The following ANKRD13C variants were observed in gnomAD, a reference collection of about 807,000 sequenced individuals.
ANKRD13C encodes ankyrin repeat domain 13C, also known as ankyrin repeat domain-containing protein 13C.
Under a neutral mutation model 65.5 loss-of-function variants are expected in ANKRD13C, and 16 were observed. That is an observed-to-expected ratio of 0.24 (90% CI 0.17 to 0.37). ANKRD13C has a LOEUF of 0.37. Among genes scored for constraint, ANKRD13C ranks in the 10% least tolerant of loss-of-function variants. ANKRD13C has a pLI of 1.00. For synonymous variants in ANKRD13C, 235 were observed against 238.7 expected (o/e 0.98, Z 0.14); for missense variants, 503 against 655.9 (o/e 0.77, Z 2.55).
chr1:70,281,271 T>G (rs994359930), intron 9 of ANKRD13C, among the ~76,000 whole-genome samples: 1 of 152,128 alleles, frequency 6.6e-6, no homozygotes. Flanking sequence ...CTCCCCAGTA[T>G]CTGTTCTCCC....
intron 9 of ANKRD13C, among the ~76,000 whole-genome samples, chr1:70,281,021 G>T (rs769895991): frequency 7.2e-5 from 11 of 152,130 alleles, no homozygotes; most frequent in Non-Finnish European, 1.6e-4. Flanking sequence ...TTGCCAGCTG[G>T]GGTAAATAAG....
chr1:70,294,635 C>CTT (rs1221826514), intron 8 of ANKRD13C, among the ~76,000 whole-genome samples: 1 of 144,970 alleles, frequency 6.9e-6, no homozygotes. Flanking sequence ...TTTTCTCTCT[C>CTT]TTTTTTTTTT....
intron 5 of ANKRD13C, among the ~76,000 whole-genome samples, chr1:70,310,386 G>C (rs556631740): frequency 1.3e-5 from 2 of 152,146 alleles, no homozygotes; most frequent in Non-Finnish European, 2.9e-5. Context: ...AATGGGTTTC[G>C]TTTTAGAATT....
chr1:70,283,891 T>C (rs1226073041), intron 9 of ANKRD13C, among the ~76,000 whole-genome samples: 1 of 152,152 alleles, frequency 6.6e-6, no homozygotes, highest in African/African-American at 2.4e-5. Context: ...ACAGTATAAG[T>C]GCTTTTATCA....
At position 70,324,888 on chromosome 1, in the gene ANKRD13C, A is replaced by G; in HGVS notation, c.542T>C (p.Leu181Pro). 1 of 1,611,652 alleles carries G rather than the reference A, an allele frequency of 6.2e-7. No homozygotes were observed. Among genetic ancestry groups the G allele is most frequent in the Non-Finnish European group, 8.5e-7 (1 of 1,178,578 alleles). The change falls in exon 3 of 13, where the codon CTG becomes CCG. Residue 181 changes from leucine (L) to proline (P), a missense_variant. This residue lies in a region of ANKRD13C where 300 missense variants were observed against 478.3 expected (regional missense o/e 0.63). Transcript: ENST00000370944. ...ATCTCCATAGCTGATGGCTTCCGCC[A>G]GAGGGCTCCATCCCTGAGCATTTTT... Reference protein sequence around the residue: ...KVKNAQGWSPLAEAISYGDRQ... With the variant: ...KVKNAQGWSPPAEAISYGDRQ...
At chr1:70,296,936 C>T (rs1320663837) in intron 7 of ANKRD13C, among the ~76,000 whole-genome samples, 1 of 152,040 alleles carries the variant, frequency 6.6e-6, no homozygotes, top group African/African-American at 2.4e-5. Context: ...TTCCCTAGTG[C>T]TGGTATATAA....
intron 11 of ANKRD13C, among the ~76,000 whole-genome samples, chr1:70,273,207 T>C (rs1678971502): frequency 6.6e-6 from 1 of 152,004 alleles, no homozygotes; most frequent in Admixed American, 6.6e-5. Context: ...AAAGCTCAGG[T>C]ATGTATGTAC....
At chr1:70,337,493 T>C (rs770274861) in intron 1 of ANKRD13C, among the ~76,000 whole-genome samples, 1 of 151,976 alleles carries the variant, frequency 6.6e-6, no homozygotes, top group Non-Finnish European at 1.5e-5. Flanking sequence ...GGCAGGAGAA[T>C]TGCTTGAACC....
intron 12 of ANKRD13C, among the ~76,000 whole-genome samples, chr1:70,265,824 C>CAAAAAAAAAAAAAA (rs775757290): frequency 1.4e-4 from 5 of 35,416 alleles, no homozygotes; most frequent in East Asian, 5.6e-4. Flanking sequence ...GACCTTGCCT[C>CAAAAAAAAAAAAAA]AAAAAAAAAA....
intron 9 of ANKRD13C, among the ~76,000 whole-genome samples, chr1:70,277,766 A>G (rs1263578312): frequency 1.3e-5 from 2 of 152,196 alleles, no homozygotes; most frequent in Admixed American, 1.3e-4. Context: ...ACGGAGATCA[A>G]CAGTAGATGG....
Position 70,260,420 on chromosome 1 carries a change from T to A in ANKRD13C, c.*2297A>T, listed in dbSNP as rs1678350122. Among the ~76,000 whole-genome samples the A allele has an allele frequency of 6.6e-6, 1 of 152,168 alleles. No individual in the cohort carries two copies. On this transcript the variant is annotated 3_prime_UTR_variant, in exon 13 of 13. Transcript: ENST00000370944. ...TGTCCCCCTACCAATTTAAACAGTT[T>A]CAAAATCACAAATGGAGAAGAACAT...
intron 12 of ANKRD13C, among the ~76,000 whole-genome samples, chr1:70,269,548 C>T (rs913705408): frequency 3.3e-5 from 5 of 152,014 alleles, no homozygotes; most frequent in South Asian, 2.1e-4. Flanking sequence ...TGCAGAAATG[C>T]GAACACAAAG....
intron 1 of ANKRD13C, among the ~76,000 whole-genome samples, chr1:70,337,566 A>C (rs1682098401): frequency 6.6e-6 from 1 of 152,094 alleles, no homozygotes; most frequent in Admixed American, 6.5e-5. Flanking sequence ...GGGCGACAAG[A>C]GTGAAACTCT....
chr1:70,276,060 A>G (rs766336648), intron 10 of ANKRD13C, among the ~76,000 whole-genome samples: 10 of 151,860 alleles, frequency 6.6e-5, no homozygotes, highest in East Asian at 3.9e-4. Context: ...AAAAAAAATG[A>G]CAACTTCTTC....
At position 70,354,247 on chromosome 1, in the gene ANKRD13C, G is replaced by T; in HGVS notation, c.162C>A (p.Phe54Leu). The T allele has an allele frequency of 1.2e-6, 2 of 1,613,562 alleles. No homozygotes were observed. The highest frequency in any genetic ancestry group is 1.1e-5 in the South Asian group (1 of 91,082). Residue 54 changes from phenylalanine to leucine, a missense_variant, in exon 1 of 13, where the codon TTC becomes TTA. Coordinates refer to ENST00000370944, the MANE Select transcript of ANKRD13C (RefSeq NM_030816.5). Reference protein sequence around the residue: ...GKGGKACHKIFSNHHHRLQLK... With the variant: ...GKGGKACHKILSNHHHRLQLK... ...GCTGTAGCCGGTGGTGATGGTTACT[G>T]AAGATCTTATGACAAGCTTTGCCGC...
chr1:70,293,602 T>C (rs1679953248), intron 8 of ANKRD13C: 3 of 980,232 alleles, frequency 3.1e-6, no homozygotes, highest in Non-Finnish European at 3.6e-6. Flanking sequence ...TATCTTCTCT[T>C]GAAGTGATCC....
chr1:70,306,401 TC>T (rs1680588141), intron 5 of ANKRD13C, 111 bp from the exon 6 acceptor site: 2 of 596,538 alleles, frequency 3.4e-6, no homozygotes, highest in Non-Finnish European at 5.3e-6. Context: ...TATAATAATT[TC>T]CTTTCAAATA....
intron 11 of ANKRD13C, among the ~76,000 whole-genome samples, chr1:70,271,355 G>A (rs1014890954): frequency 2.0e-5 from 3 of 152,060 alleles, no homozygotes; most frequent in Non-Finnish European, 2.9e-5. Flanking sequence ...AAAATTTCAG[G>A]TTATACTGTC....
At chr1:70,267,595 G>C (rs1331402389) in intron 12 of ANKRD13C, among the ~76,000 whole-genome samples, 1 of 152,206 alleles carries the variant, frequency 6.6e-6, no homozygotes, top group Middle Eastern at 3.4e-3. Flanking sequence ...GGTATATTTA[G>C]ACCATTTACA....
Sources: gnomAD v4.1 joint callset for allele counts (sites outside exome capture counted in the v4.1 genomes callset) on GRCh38, gnomAD v4.1.1 for gene constraint, gnomAD v4.1.1 regional missense constraint, MANE v1.5 for transcripts, NCBI Gene and HGNC (gene_info 2026-07-23, HGNC 2026-07-21) for gene names.